Variants in CNTN5 observed in about 807,000 individuals in gnomAD.
The protein encoded by CNTN5 is contactin 5.
CNTN5 carries 77 observed loss-of-function variants against 129.1 expected under a neutral mutation model. That is an observed-to-expected ratio of 0.60 (90% CI 0.50 to 0.72). The LOEUF is 0.72. Ranked by LOEUF, CNTN5 falls within the 30% of genes least tolerant of loss-of-function variation. The pLI is 0.00. For missense variants in CNTN5, 1,478 were observed against 1,328.8 expected (o/e 1.11, Z -1.75); for synonymous variants, 509 against 465.6 (o/e 1.09, Z -1.20).
chr11:99,515,948 T>TG lies in CNTN5; in HGVS notation c.-70-40196dup, dbSNP rs1829576074. ...TTAAATGTTTATTTATATAATTTTA[T>TG]GAAAAAAAAAAAACAAAATCATATC... On this transcript the variant is annotated intron_variant, in intron 2 of 24. Transcript: ENST00000524871. 2.7e-5 allele frequency among the ~76,000 whole-genome samples: 3 copies of TG among 111,314 alleles called. 1 individual carries two copies. In the South Asian group the frequency reaches 9.5e-4, roughly 35 times the overall value. 73.0% of individuals were successfully genotyped at this position (111,314 alleles called of 152,430 possible). A position where few individuals can be genotyped will look rare whatever the true frequency, so the allele number is the denominator to read the frequency against.
intron 9 of CNTN5, among the ~76,000 whole-genome samples, chr11:100,021,451 T>C (rs992900984): frequency 6.6e-6 from 1 of 152,224 alleles, no homozygotes; most frequent in Non-Finnish European, 1.5e-5. Flanking sequence ...CTGATTCTCC[T>C]TGCATTTCTA....
At chr11:99,816,354 ATC>A (rs1946585935) in intron 3 of CNTN5, among the ~76,000 whole-genome samples, 2 of 152,080 alleles carry the variant, frequency 1.3e-5, no homozygotes, top group Non-Finnish European at 2.9e-5. Context: ...CCATTTCATA[ATC>A]TCTCTGACGA....
At chr11:99,178,510 G>A (rs778905036) in intron 1 of CNTN5, among the ~76,000 whole-genome samples, 1 of 151,086 alleles carries the variant, frequency 6.6e-6, no homozygotes. Flanking sequence ...GACAGAGTGA[G>A]ACCTTGTCTT....
intron 9 of CNTN5, among the ~76,000 whole-genome samples, chr11:100,013,103 CAT>C (rs930313659): frequency 2.0e-5 from 3 of 152,156 alleles, no homozygotes; most frequent in Non-Finnish European, 2.9e-5. Flanking sequence ...AGAAATACCA[CAT>C]GTTCTCACTT....
At chr11:99,428,235 T>A (rs1943214111) in intron 2 of CNTN5, among the ~76,000 whole-genome samples, 1 of 151,014 alleles carries the variant, frequency 6.6e-6, no homozygotes, top group African/African-American at 2.4e-5. Context: ...AAACAAAAAT[T>A]ATTTTTCTTT....
chr11:99,095,510 A>G (rs1272260452), intron 1 of CNTN5, among the ~76,000 whole-genome samples: 9 of 151,932 alleles, frequency 5.9e-5, no homozygotes, highest in African/African-American at 1.9e-4. Flanking sequence ...CATTTACGGT[A>G]GCTCTTGAGT....
chr11:99,956,505 C>G (rs1397884666), intron 7 of CNTN5, among the ~76,000 whole-genome samples: 1 of 151,924 alleles, frequency 6.6e-6, no homozygotes, highest in Non-Finnish European at 1.5e-5. Flanking sequence ...AAAATTGTCT[C>G]TTACCTTTCT....
intron 3 of CNTN5, among the ~76,000 whole-genome samples, chr11:99,713,559 A>C (rs568865038): frequency 5.3e-5 from 8 of 152,030 alleles, no homozygotes; most frequent in South Asian, 4.1e-4. Context: ...GCTGGGGTAA[A>C]TTGCAGAAAA....
chr11:99,429,501 T>A (rs1291781456), intron 2 of CNTN5, among the ~76,000 whole-genome samples: 2 of 151,982 alleles, frequency 1.3e-5, no homozygotes, highest in Admixed American at 6.6e-5. Context: ...AAAATACACA[T>A]CTCAAAGGAC....
At chr11:99,158,483 T>A (rs917368430) in intron 1 of CNTN5, among the ~76,000 whole-genome samples, 4 of 152,236 alleles carry the variant, frequency 2.6e-5, no homozygotes, top group Non-Finnish European at 4.4e-5. Flanking sequence ...GCCTTTGAGA[T>A]ATCTGTTTTA....
intron 15 of CNTN5, among the ~76,000 whole-genome samples, chr11:100,224,134 G>C (rs977108514): frequency 6.6e-6 from 1 of 152,140 alleles, no homozygotes; most frequent in Non-Finnish European, 1.5e-5. Context: ...ATCCATGATG[G>C]TAGTGGTTAT....
intron 18 of CNTN5, among the ~76,000 whole-genome samples, chr11:100,291,309 G>A (rs1025024192): frequency 3.0e-4 from 46 of 152,030 alleles, no homozygotes; most frequent in South Asian, 8.3e-4. Context: ...ACATGCACAC[G>A]TATGTTTATT....
At chr11:100,338,698 A>G (rs1952090159) in intron 21 of CNTN5, among the ~76,000 whole-genome samples, 1 of 152,156 alleles carries the variant, frequency 6.6e-6, no homozygotes, top group Non-Finnish European at 1.5e-5. Flanking sequence ...CAGCCAGAAC[A>G]GGCACATGTG....
intron 1 of CNTN5, among the ~76,000 whole-genome samples, chr11:99,063,095 G>A (rs1454805351): frequency 6.6e-6 from 1 of 152,136 alleles, no homozygotes; most frequent in Non-Finnish European, 1.5e-5. Context: ...ACCAAGAGAT[G>A]AACAGGGATT....
At chr11:99,328,340 T>C (rs939318361) in intron 2 of CNTN5, among the ~76,000 whole-genome samples, 1 of 152,104 alleles carries the variant, frequency 6.6e-6, no homozygotes, top group African/African-American at 2.4e-5. Context: ...GGGTCATGTG[T>C]CCAGATGAAT....
intron 1 of CNTN5, among the ~76,000 whole-genome samples, chr11:99,032,985 T>C (rs1285877866): frequency 1.5e-5 from 2 of 135,338 alleles, no homozygotes; most frequent in Admixed American, 1.6e-4. Flanking sequence ...TTTCTGCATA[T>C]GGCTAGCCAG....
chr11:99,561,265 A>G (rs1042943935), intron 3 of CNTN5, among the ~76,000 whole-genome samples: 4 of 152,164 alleles, frequency 2.6e-5, no homozygotes, highest in African/African-American at 9.7e-5. Flanking sequence ...AGTTCCCAGT[A>G]ACCAAAACTG....
At chr11:99,717,079 C>A (rs569465493) in intron 3 of CNTN5, among the ~76,000 whole-genome samples, 74 of 152,052 alleles carry the variant, frequency 4.9e-4, no homozygotes, top group African/African-American at 1.7e-3. Context: ...TCTATAGAAT[C>A]GGAACCCACA....
At chr11:100,163,902 C>T (rs1378295069) in intron 13 of CNTN5, among the ~76,000 whole-genome samples, 1 of 151,712 alleles carries the variant, frequency 6.6e-6, no homozygotes, top group East Asian at 1.9e-4. Flanking sequence ...ATTTAGTCCC[C>T]AAATACACAC....
Sources: allele counts gnomAD v4.1 joint callset (sites outside exome capture counted in the v4.1 genomes callset), GRCh38; gene constraint gnomAD v4.1.1; transcripts MANE v1.5; gene names NCBI Gene and HGNC (gene_info 2026-07-23, HGNC 2026-07-21).